The following CUX2 variants were observed in gnomAD, a reference collection of about 807,000 sequenced individuals.
CUX2 encodes the protein homeobox protein cut-like 2.
CUX2 carries 40 observed loss-of-function variants against 144.8 expected under a neutral mutation model. The observed-to-expected ratio is 0.28, with a 90% CI of 0.21 to 0.36. The LOEUF (loss-of-function observed/expected upper bound fraction) is 0.36. Among genes scored for constraint, CUX2 ranks in the 10% least tolerant of loss-of-function variants. The pLI is 1.00. For missense variants in CUX2, 1,615 were observed against 1,994.0 expected (o/e 0.81, Z 3.62); for synonymous variants, 827 against 875.6 (o/e 0.94, Z 0.98).
chr12:111,051,816 ACTTT>A (rs575086585), intron 1 of CUX2, among the ~76,000 whole-genome samples: 78 of 148,384 alleles, frequency 5.3e-4, no homozygotes, highest in Non-Finnish European at 8.6e-4. Flanking sequence ...CTCTTTTACT[ACTTT>A]CTTTTGCATT....
chr12:111,161,089 AC>A (rs965381728), intron 1 of CUX2, among the ~76,000 whole-genome samples: 3 of 152,086 alleles, frequency 2.0e-5, no homozygotes, highest in African/African-American at 7.2e-5. Flanking sequence ...GACGGGGCAG[AC>A]TGTGTCTCCT....
chr12:111,324,492 G>GT (rs1887682266), intron 18 of CUX2, among the ~76,000 whole-genome samples: 1 of 150,944 alleles, frequency 6.6e-6, no homozygotes, highest in African/African-American at 2.4e-5. Context: ...TCTTTTTTTT[G>GT]TTTTGTTTTG....
chr12:111,349,617 C>T lies in CUX2; in HGVS notation c.*1292C>T, dbSNP rs1372220812. The T allele has an allele frequency of 6.6e-6, 1 of 152,216 alleles. No individual in the cohort carries two copies. The highest frequency in any genetic ancestry group is 1.5e-5 in the Non-Finnish European group (1 of 68,056). The allele number at this position is 152,216 out of a possible 1,614,324, so 9.4% of individuals were successfully genotyped here. A position where few individuals can be genotyped will look rare whatever the true frequency, so the allele number is the denominator to read the frequency against. On this transcript the variant is annotated 3_prime_UTR_variant, in exon 22 of 22. Transcript: ENST00000261726. ...AAATCTATCCTCCTACCTTCCAACG[C>T]ATGACCTGTTGGGGAGCAGAGACTT...
chr12:111,269,331 G>A (rs1470218890), intron 4 of CUX2, among the ~76,000 whole-genome samples: 1 of 152,162 alleles, frequency 6.6e-6, no homozygotes, highest in Non-Finnish European at 1.5e-5. Context: ...CGGGAGGAAA[G>A]GTTATTGGAG....
intron 1 of CUX2, among the ~76,000 whole-genome samples, chr12:111,106,144 C>G (rs1873592980): frequency 6.6e-6 from 1 of 151,552 alleles, no homozygotes. Flanking sequence ...GAACTGTAGG[C>G]TGGTACCACC....
In CUX2 at chr12:111,061,925, C is replaced by T. The variant is rs566229761; in HGVS notation, c.63+27685C>T. ...AATTCTGCCCCTGCCAATAAGACTT[C>T]AGCGCGTGCACTCCATCTGTGCCTC... is the stretch of plus-strand genomic sequence containing the variant. On this transcript the variant is annotated intron_variant, in intron 1 of 21. Coordinates refer to ENST00000261726, the MANE Select transcript of CUX2 (RefSeq NM_015267.4). The surrounding 1 kb of genome is among the most constrained non-coding windows in gnomAD (Gnocchi z 4.2). Among the ~76,000 whole-genome samples the T allele has an allele frequency of 2.2e-4, 33 of 152,342 alleles. No homozygotes were observed. The highest frequency in any genetic ancestry group is 7.7e-4 in the African/African-American group (32 of 41,582).
chr12:111,306,352 A>C (rs1259677983), intron 10 of CUX2, among the ~76,000 whole-genome samples: 1 of 143,566 alleles, frequency 7.0e-6, no homozygotes, highest in Admixed American at 7.0e-5. Flanking sequence ...AATGTTTCTT[A>C]GATTTATTTG....
Position 111,035,836 on chromosome 12 carries a change from C to T in CUX2, c.63+1596C>T, listed in dbSNP as rs1448746647. Among the ~76,000 whole-genome samples the T allele has an allele frequency of 6.6e-6, 1 of 152,080 alleles. No individual in the cohort carries two copies. Among genetic ancestry groups the T allele is most frequent in the Non-Finnish European group, 1.5e-5 (1 of 68,034 alleles). On this transcript the variant is annotated intron_variant, in intron 1 of 21. Coordinates refer to ENST00000261726, the MANE Select transcript of CUX2 (RefSeq NM_015267.4). The surrounding 1 kb of genome is among the most constrained non-coding windows in gnomAD (Gnocchi z 6.0). ...TGCCGAGTGCCTTGCAATTCCGGGT[C>T]CGCACTCGAGTTGGGGCTACAGTTT... is the stretch of plus-strand genomic sequence containing the variant.
At chr12:111,237,457 G>A (rs776250052) in intron 3 of CUX2, among the ~76,000 whole-genome samples, 3 of 152,128 alleles carry the variant, frequency 2.0e-5, no homozygotes, top group Non-Finnish European at 4.4e-5. Flanking sequence ...AATGATGGGC[G>A]TCCCCACCTT....
At chr12:111,159,325 TTTTC>T (rs947244563) in intron 1 of CUX2, among the ~76,000 whole-genome samples, 3 of 129,584 alleles carry the variant, frequency 2.3e-5, no homozygotes, top group African/African-American at 1.2e-4. Context: ...TTTTTTTTTT[TTTTC>T]CTAGAGAGAG....
At chr12:111,344,273 C>G (rs1278192524) in intron 21 of CUX2, among the ~76,000 whole-genome samples, 1 of 152,116 alleles carries the variant, frequency 6.6e-6, no homozygotes, top group African/African-American at 2.4e-5. Flanking sequence ...CATAGTGAAC[C>G]AATCCCCGCC....
chr12:111,295,990 A>G lies in CUX2; in HGVS notation c.638-483A>G, dbSNP rs1885964863. ...AAATTAGAAATCTGGAGTTGTATCA[A>G]AAACGCTCGTTCATTGTAACACATG... On this transcript the variant is annotated intron_variant, in intron 7 of 21. Transcript: ENST00000261726. The surrounding 1 kb of genome is among the most constrained non-coding windows in gnomAD (Gnocchi z 5.0). Among the ~76,000 whole-genome samples the G allele has an allele frequency of 6.6e-6, 1 of 152,130 alleles. No homozygotes were observed. The highest frequency in any genetic ancestry group is 2.1e-4 in the South Asian group (1 of 4,830).
chr12:111,230,148 C>T (rs1344191876), intron 3 of CUX2, among the ~76,000 whole-genome samples: 2 of 147,658 alleles, frequency 1.4e-5, no homozygotes, highest in Non-Finnish European at 3.0e-5. Flanking sequence ...AGAGCAAGAC[C>T]CTATCTCAAA....
At chr12:111,273,994 A>T (rs1884743042) in intron 4 of CUX2, among the ~76,000 whole-genome samples, 1 of 152,158 alleles carries the variant, frequency 6.6e-6, no homozygotes, top group South Asian at 2.1e-4. Context: ...GTTGAGCAAA[A>T]CAGACACCAC....
chr12:111,155,640 A>G (rs1877323921), intron 1 of CUX2, among the ~76,000 whole-genome samples: 1 of 152,144 alleles, frequency 6.6e-6, no homozygotes, highest in African/African-American at 2.4e-5. Flanking sequence ...TCCACTGCAG[A>G]GGGAATGGCA....
At chr12:111,191,695 T>A (rs1879901324) in intron 1 of CUX2, among the ~76,000 whole-genome samples, 1 of 152,192 alleles carries the variant, frequency 6.6e-6, no homozygotes, top group Non-Finnish European at 1.5e-5. Flanking sequence ...TCCCATCTCA[T>A]ACCTGCTGAT....
chr12:111,338,874 G>A (rs552416496), intron 20 of CUX2, among the ~76,000 whole-genome samples: 5 of 151,530 alleles, frequency 3.3e-5, no homozygotes, highest in Admixed American at 6.6e-5. Context: ...AGCCTGTGCA[G>A]TGCAGTAAGA....
At chr12:111,147,546 C>T (rs780932489) in intron 1 of CUX2, among the ~76,000 whole-genome samples, 2 of 152,212 alleles carry the variant, frequency 1.3e-5, no homozygotes, top group Non-Finnish European at 2.9e-5. Flanking sequence ...GGTTCCCACC[C>T]TCTCGTGCTC....
chr12:111,234,682 G>A lies in CUX2; in HGVS notation c.222+16745G>A, dbSNP rs545577894. On this transcript the variant is annotated intron_variant, in intron 3 of 21. Coordinates refer to ENST00000261726, the MANE Select transcript of CUX2 (RefSeq NM_015267.4). ...TGGGTTCAAGACCAGTTTGAACACC[G>A]GTGAGGTGATCTGAGGCAAGCCACT... Among the ~76,000 whole-genome samples the A allele has an allele frequency of 5.2e-4, 79 of 152,054 alleles. 2 individuals are homozygous for A. The South Asian group carries it at 0.016, about 30-fold the overall frequency.
Sources: gnomAD v4.1 joint callset for allele counts (sites outside exome capture counted in the v4.1 genomes callset) on GRCh38, gnomAD v4.1.1 for gene constraint, Gnocchi (gnomAD v3.1) non-coding constraint, MANE v1.5 for transcripts, NCBI Gene and HGNC (gene_info 2026-07-23, HGNC 2026-07-21) for gene names.